The following TBC1D22A variants were observed in gnomAD, a reference collection of about 807,000 sequenced individuals.
TBC1D22A encodes putative GTPase activator.
In TBC1D22A, 38 loss-of-function variants were observed where a neutral mutation model predicts 60.2. The ratio of observed to expected loss-of-function variants is 0.63; its 90% CI spans 0.49 to 0.83. The LOEUF (loss-of-function observed/expected upper bound fraction) is 0.83. Ranked by LOEUF, TBC1D22A falls within the 40% of genes least tolerant of loss-of-function variation. The pLI is 0.00. For synonymous variants in TBC1D22A, 302 were observed against 281.7 expected, an observed-to-expected ratio of 1.07 and a Z score of -0.72; for missense variants, 628 against 701.0, an observed-to-expected ratio of 0.90 and a Z score of 1.18.
intron 7 of TBC1D22A, among the ~76,000 whole-genome samples, chr22:46,910,060 G>T (rs2069797560): frequency 6.6e-6 from 1 of 152,224 alleles, no homozygotes; most frequent in Non-Finnish European, 1.5e-5. Flanking sequence ...TGTTGAGTGG[G>T]TTTGGTCTTT....
intron 5 of TBC1D22A, among the ~76,000 whole-genome samples, chr22:46,888,670 C>T (rs7287196): frequency 0.56 from 85,773 of 152,038 alleles, 26,995 homozygotes; most frequent in Middle Eastern, 0.78. Context: ...CATGGCCAGG[C>T]ACAGCAGTAA....
intron 10 of TBC1D22A, among the ~76,000 whole-genome samples, chr22:46,999,383 A>G (rs2148242135): frequency 6.6e-6 from 1 of 152,342 alleles, no homozygotes; most frequent in East Asian, 1.9e-4. Context: ...CACAACAGAG[A>G]AAGATGTGTG....
chr22:47,141,708 G>A (rs1334290104), intron 12 of TBC1D22A, among the ~76,000 whole-genome samples: 1 of 152,218 alleles, frequency 6.6e-6, no homozygotes, highest in East Asian at 1.9e-4. Flanking sequence ...CCACACACCT[G>A]CTCTTTCCTA....
At chr22:46,833,225 A>G (rs763301830) in intron 4 of TBC1D22A, among the ~76,000 whole-genome samples, 15 of 152,348 alleles carry the variant, frequency 9.8e-5, no homozygotes, top group South Asian at 6.2e-4. Context: ...CTGTGTGTCA[A>G]TGCACTAATG....
chr22:46,826,132 T>C (rs145659403), intron 4 of TBC1D22A, among the ~76,000 whole-genome samples: 519 of 152,118 alleles, frequency 3.4e-3, no homozygotes, highest in Admixed American at 5.3e-3. Flanking sequence ...CCGCCCACCT[T>C]GGCCTCCCAA....
chr22:47,079,821 C>G (rs1164847064), intron 11 of TBC1D22A, among the ~76,000 whole-genome samples: 1 of 152,130 alleles, frequency 6.6e-6, no homozygotes, highest in Non-Finnish European at 1.5e-5. Context: ...TTAAATACTT[C>G]AATTAAAAGA....
chr22:46,919,541 G>T (rs1266005154), intron 8 of TBC1D22A, among the ~76,000 whole-genome samples: 2 of 151,220 alleles, frequency 1.3e-5, no homozygotes, highest in Non-Finnish European at 3.0e-5. Flanking sequence ...TTCCATTTCT[G>T]TTGGTATATA....
At chr22:47,027,299 C>T (rs1433709579) in intron 10 of TBC1D22A, among the ~76,000 whole-genome samples, 1 of 152,040 alleles carries the variant, frequency 6.6e-6, no homozygotes, top group Admixed American at 6.5e-5. Context: ...AATCAGAGAC[C>T]TATGTTTTGT....
rs2068174796 is a variant in TBC1D22A, at chr22:47,165,590, TG to T, written c.1426-7904del. Among the ~76,000 whole-genome samples the T allele has an allele frequency of 1.3e-5, 2 of 151,930 alleles. 1 individual carries two copies. Among genetic ancestry groups the T allele is most frequent in the South Asian group, 4.2e-4 (2 of 4,814 alleles). The stretch of plus-strand genomic sequence containing the variant: ...CGCCCCACTGCCCCCGACAGTGGTA[TG>T]GGGAATGGGACTGCAGTGTGGGTGC... On this transcript the variant is annotated intron_variant, in intron 12 of 12. Coordinates refer to ENST00000337137, the MANE Select transcript of TBC1D22A (RefSeq NM_014346.5).
At chr22:46,860,980 T>C (rs980738255) in intron 4 of TBC1D22A, among the ~76,000 whole-genome samples, 1 of 115,828 alleles carries the variant, frequency 8.6e-6, no homozygotes, top group African/African-American at 4.0e-5. Context: ...AGATAATAAA[T>C]TAATTTTTTT....
intron 11 of TBC1D22A, among the ~76,000 whole-genome samples, chr22:47,072,809 T>C (rs1023678184): frequency 1.3e-5 from 2 of 152,266 alleles, no homozygotes; most frequent in Non-Finnish European, 2.9e-5. Flanking sequence ...CCATCGAGGC[T>C]GTGCCTCTTG....
intron 8 of TBC1D22A, among the ~76,000 whole-genome samples, 196 bp from the exon 9 acceptor site, chr22:46,974,094 G>T (rs1474499176): frequency 6.6e-6 from 1 of 152,192 alleles, no homozygotes; most frequent in Non-Finnish European, 1.5e-5. Flanking sequence ...TTAATTATCT[G>T]CAACTAATTA....
chr22:46,762,704 C>A lies in TBC1D22A; in HGVS notation c.-83C>A, dbSNP rs1261924840. The A allele has an allele frequency of 1.6e-6, 2 of 1,261,748 alleles. No individual in the cohort carries two copies. The highest frequency in any genetic ancestry group is 2.1e-6 in the Non-Finnish European group (2 of 963,988). 78.2% of individuals were successfully genotyped at this position (1,261,748 alleles called of 1,614,324 possible). ...GTCCCGGGAGCAGTGAGGGGCCACCCGGGGCACAGGAAAGGGCCGCTAGGG... is the reference window on the plus strand; with the variant it reads ...GTCCCGGGAGCAGTGAGGGGCCACCAGGGGCACAGGAAAGGGCCGCTAGGG... On this transcript the variant is annotated 5_prime_UTR_variant, in exon 1 of 13. Coordinates refer to ENST00000337137, the MANE Select transcript of TBC1D22A (RefSeq NM_014346.5).
rs539543443 is a variant in TBC1D22A, at chr22:47,061,376, C to G, written c.1329+24178C>G. Among the ~76,000 whole-genome samples, 3 of 152,250 alleles carry G rather than the reference C, an allele frequency of 2.0e-5. No homozygotes were observed. In the East Asian group the frequency reaches 5.8e-4, roughly 30 times the overall value. ...CTCTTCCTCCTCCCCTCACTCTCTC[C>G]TCTGCCTTGGTCGTGGTCCCTGCTT... On this transcript the variant is annotated intron_variant, in intron 11 of 12. Coordinates refer to ENST00000337137, the MANE Select transcript of TBC1D22A (RefSeq NM_014346.5).
At chr22:47,101,241 C>T (rs911166934) in intron 11 of TBC1D22A, among the ~76,000 whole-genome samples, 1 of 152,222 alleles carries the variant, frequency 6.6e-6, no homozygotes, top group East Asian at 1.9e-4. Context: ...ATTCCTGACT[C>T]GCTCGTTAAA....
intron 7 of TBC1D22A, among the ~76,000 whole-genome samples, chr22:46,906,795 G>GTGTGTA (rs1295022449): frequency 6.8e-6 from 1 of 147,462 alleles, no homozygotes; most frequent in East Asian, 2.0e-4. Flanking sequence ...GTGTGTGTGT[G>GTGTGTA]TGTGTATGTG....
intron 9 of TBC1D22A, among the ~76,000 whole-genome samples, chr22:46,989,463 A>G (rs1370306644): frequency 1.3e-5 from 2 of 151,928 alleles, no homozygotes; most frequent in African/African-American, 4.8e-5. Flanking sequence ...CTCTTTCTTT[A>G]TTTGAACACT....
At chr22:46,816,152 G>T (rs916226390) in intron 4 of TBC1D22A, among the ~76,000 whole-genome samples, 4 of 152,158 alleles carry the variant, frequency 2.6e-5, no homozygotes, top group Non-Finnish European at 5.9e-5. Flanking sequence ...TGCTGCGGCC[G>T]GCCGCCTGCC....
intron 10 of TBC1D22A, among the ~76,000 whole-genome samples, chr22:47,004,771 C>G (rs1381119265): frequency 6.6e-6 from 1 of 151,282 alleles, no homozygotes; most frequent in African/African-American, 2.4e-5. Context: ...TATACACACT[C>G]AGATGCCTAT....
Sources: allele counts gnomAD v4.1 joint callset (sites outside exome capture counted in the v4.1 genomes callset), GRCh38; gene constraint gnomAD v4.1.1; transcripts MANE v1.5; gene names NCBI Gene and HGNC (gene_info 2026-07-23, HGNC 2026-07-21).